Variants in CNKSR3 observed in about 807,000 individuals in gnomAD.
CNKSR3 encodes the protein connector enhancer of kinase suppressor of ras 3.
A neutral mutation model predicts 67.7 loss-of-function variants in CNKSR3; 36 were observed. That is an observed-to-expected ratio of 0.53 (90% CI 0.41 to 0.70). The LOEUF is 0.70. CNKSR3 is among the 30% of genes least tolerant of loss of function. CNKSR3 has a pLI of 0.00. For missense variants in CNKSR3, 630 were observed against 695.2 expected, an observed-to-expected ratio of 0.91 and a Z score of 1.05; for synonymous variants, 281 against 271.4, an observed-to-expected ratio of 1.04 and a Z score of -0.35.
At position 154,403,898 on chromosome 6, in the gene CNKSR3, CTCA is replaced by C. The variant is rs1165201516; in HGVS notation, c.*2453_*2455del. ...AGCTAAGGCCTCCAGAGTGATTTAA[CTCA>C]TCATCCAGTGGAACTACAGCTCTTA... On this transcript the variant is annotated 3_prime_UTR_variant, in exon 13 of 13. Coordinates refer to ENST00000607772, the MANE Select transcript of CNKSR3 (RefSeq NM_173515.4). 6.6e-6 allele frequency: 1 copy of C among 152,200 alleles called. No individual in the cohort carries two copies. Among genetic ancestry groups the C allele is most frequent in the African/African-American group, 2.4e-5 (1 of 41,440 alleles). The allele number at this position is 152,200 out of a possible 1,614,324, so 9.4% of individuals were successfully genotyped here. A position where few individuals can be genotyped will look rare whatever the true frequency, so the allele number is the denominator to read the frequency against.
intron 1 of CNKSR3, among the ~76,000 whole-genome samples, chr6:154,469,058 G>C (rs1352362280): frequency 6.6e-6 from 1 of 152,172 alleles, no homozygotes; most frequent in Non-Finnish European, 1.5e-5. Context: ...ACGAAGTACT[G>C]TGTTTGACAG....
At chr6:154,441,183 T>C (rs1785572854) in intron 4 of CNKSR3, 109 bp downstream of exon 4, 1 of 648,134 alleles carries the variant, frequency 1.5e-6, no homozygotes, top group East Asian at 2.7e-5. Context: ...AAAACTGAGG[T>C]GGGGAGAGGA....
chr6:154,441,579 G>A (rs902945936), intron 3 of CNKSR3, among the ~76,000 whole-genome samples, 200 bp from the exon 4 acceptor site: 1 of 152,092 alleles, frequency 6.6e-6, no homozygotes, highest in African/African-American at 2.4e-5. Flanking sequence ...CGCCTCCCAG[G>A]TTCAAGCAAC....
intron 1 of CNKSR3, among the ~76,000 whole-genome samples, chr6:154,469,642 T>A (rs887604713): frequency 2.0e-5 from 3 of 152,234 alleles, no homozygotes; most frequent in African/African-American, 7.2e-5. Flanking sequence ...CTTATTAAGA[T>A]GTAATTCATG....
rs375503601 is a variant in CNKSR3 at position 154,441,958 on chromosome 6, A to T, written c.419+130T>A. The T allele has an allele frequency of 3.8e-6, 3 of 780,366 alleles. No individual in the cohort carries two copies. The South Asian group carries it at 7.6e-5, about 20-fold the overall frequency. The allele number at this position is 780,366 out of a possible 1,614,324, so 48.3% of individuals were successfully genotyped here. ...TCCTAAAATCTACCACTGATCGAGG[A>T]CTCCTTAAGAGCCGGTAAAAATGAT... is the stretch of plus-strand genomic sequence containing the variant. On this transcript the variant is annotated intron_variant, in intron 3 of 12. Transcript: ENST00000607772.
chr6:154,506,610 A>G (rs1787109466), intron 1 of CNKSR3, among the ~76,000 whole-genome samples: 3 of 152,240 alleles, frequency 2.0e-5, no homozygotes, highest in Admixed American at 2.0e-4. Context: ...AATGAACACC[A>G]TGTGCCAGGC....
intron 7 of CNKSR3, among the ~76,000 whole-genome samples, chr6:154,423,503 C>T (rs1785190336): frequency 6.6e-6 from 1 of 152,124 alleles, no homozygotes; most frequent in Non-Finnish European, 1.5e-5. Flanking sequence ...GGTGATCTGC[C>T]CACCTCAGCC....
chr6:154,465,192 A>G (rs1253627763), intron 1 of CNKSR3, among the ~76,000 whole-genome samples: 1 of 151,722 alleles, frequency 6.6e-6, no homozygotes, highest in Non-Finnish European at 1.5e-5. Flanking sequence ...GAATGAATAC[A>G]AGAGTTTCCA....
intron 10 of CNKSR3, 37 bp downstream of exon 10, chr6:154,414,262 G>A: frequency 1.3e-6 from 2 of 1,538,894 alleles, no homozygotes; most frequent in South Asian, 2.6e-5. Flanking sequence ...GACACCAACA[G>A]GAGACAAGCA....
At position 154,399,214 on chromosome 6, in the gene CNKSR3, GAC is replaced by G. The variant is rs1784691371; in HGVS notation, c.*7138_*7139del. 1 of 152,122 alleles carries G rather than the reference GAC, an allele frequency of 6.6e-6. No individual in the cohort carries two copies. Among genetic ancestry groups the G allele is most frequent in the South Asian group, 2.1e-4 (1 of 4,824 alleles). 9.4% of individuals were successfully genotyped at this position (152,122 alleles called of 1,614,324 possible). A position where few individuals can be genotyped will look rare whatever the true frequency, so the allele number is the denominator to read the frequency against. ...GCCACTGACCACACTGCAGCCCTCTGACAGTGTCACACTGGCATTATTTTGCT... is the reference window on the plus strand; with the variant it reads ...GCCACTGACCACACTGCAGCCCTCTGAGTGTCACACTGGCATTATTTTGCT... On this transcript the variant is annotated 3_prime_UTR_variant, in exon 13 of 13. Coordinates refer to ENST00000607772, the MANE Select transcript of CNKSR3 (RefSeq NM_173515.4).
At chr6:154,456,007 C>T (rs1023064881) in intron 1 of CNKSR3, among the ~76,000 whole-genome samples, 2 of 150,824 alleles carry the variant, frequency 1.3e-5, no homozygotes, top group African/African-American at 4.9e-5. Flanking sequence ...CAAAAAAAAA[C>T]AAACAAAAAA....
In CNKSR3 at chr6:154,393,722, T is replaced by C; in HGVS notation, c.*12632A>G. 1 of 152,348 alleles carries C rather than the reference T, an allele frequency of 6.6e-6. No homozygotes were observed. The highest frequency in any genetic ancestry group is 2.1e-4 in the South Asian group (1 of 4,830). The allele number at this position is 152,348 out of a possible 1,614,324, so 9.4% of individuals were successfully genotyped here. On this transcript the variant is annotated 3_prime_UTR_variant, in exon 13 of 13. Coordinates refer to ENST00000607772, the MANE Select transcript of CNKSR3 (RefSeq NM_173515.4). ...CTTTTACTGTCTTCTATAAGAAATC[T>C]TTCCCTATCCAAGGTTACAAAAACA...
At chr6:154,507,778 T>C (rs77735526) in intron 1 of CNKSR3, among the ~76,000 whole-genome samples, 5,682 of 152,288 alleles carry the variant, frequency 0.037, 195 homozygotes, top group African/African-American at 0.089. Flanking sequence ...CAGCCATAGA[T>C]GTTCTTTCAG....
intron 1 of CNKSR3, among the ~76,000 whole-genome samples, chr6:154,451,652 T>C (rs1461460160): frequency 6.6e-6 from 1 of 152,266 alleles, no homozygotes; most frequent in Non-Finnish European, 1.5e-5. Context: ...CTAAAGTCTA[T>C]GGATATTATA....
At chr6:154,472,722 G>A (rs564513915) in intron 1 of CNKSR3, among the ~76,000 whole-genome samples, 1 of 151,334 alleles carries the variant, frequency 6.6e-6, no homozygotes, top group East Asian at 1.9e-4. Context: ...TTCAGAGGAT[G>A]TCAAAATTGT....
chr6:154,445,047 G>A (rs1785681364), intron 2 of CNKSR3, among the ~76,000 whole-genome samples: 2 of 151,696 alleles, frequency 1.3e-5, no homozygotes, highest in African/African-American at 4.8e-5. Context: ...ACAATGGTAA[G>A]TTAAAAACAA....
intron 1 of CNKSR3, among the ~76,000 whole-genome samples, chr6:154,465,904 T>C (rs1439494312): frequency 6.6e-6 from 1 of 152,208 alleles, no homozygotes; most frequent in Non-Finnish European, 1.5e-5. Context: ...ATATTCTTTC[T>C]AGGAAATCTG....
intron 12 of CNKSR3, 109 bp downstream of exon 12, chr6:154,410,234 A>T (rs1393113886): frequency 2.9e-6 from 2 of 687,136 alleles, no homozygotes; most frequent in Admixed American, 2.6e-5. Flanking sequence ...CAGAAAGGCC[A>T]AGTACTCAGT....
chr6:154,470,465 C>T (rs1317549776), intron 1 of CNKSR3, among the ~76,000 whole-genome samples: 1 of 152,130 alleles, frequency 6.6e-6, no homozygotes, highest in African/African-American at 2.4e-5. Context: ...TCCCAAAGTG[C>T]TGAGAACGAA....
Sources: allele counts gnomAD v4.1 joint callset (sites outside exome capture counted in the v4.1 genomes callset), GRCh38; gene constraint gnomAD v4.1.1; transcripts MANE v1.5; gene names NCBI Gene and HGNC (gene_info 2026-07-23, HGNC 2026-07-21).